Variants in CLCA1 observed in about 807,000 individuals in gnomAD.
CLCA1 encodes the protein chloride channel accessory 1.
In CLCA1, 59 loss-of-function variants were observed where a neutral mutation model predicts 85.6. The ratio of observed to expected loss-of-function variants is 0.69; its 90% CI spans 0.56 to 0.86. CLCA1 has a LOEUF of 0.86. Among genes scored for constraint, CLCA1 ranks in the 40% least tolerant of loss-of-function variants. The pLI is 0.00. For synonymous variants in CLCA1, 396 were observed against 398.3 expected, an observed-to-expected ratio of 0.99 and a Z score of 0.07; for missense variants, 1,022 against 1,101.4, an observed-to-expected ratio of 0.93 and a Z score of 1.02.
Position 86,485,548 on chromosome 1 carries a change from C to A in CLCA1, c.941C>A (p.Ser314Tyr). ...QRIVCLVLDK[S>Y]GSMATGNRLN... ...ATTGTGTGTTTAGTCCTTGACAAATCTGGAAGCATGGCGGTATGTTCAATG... is the reference window on the plus strand; with the variant it reads ...ATTGTGTGTTTAGTCCTTGACAAATATGGAAGCATGGCGGTATGTTCAATG... The change falls in exon 6 of 14, where the codon TCT becomes TAT. Residue 314 changes from serine (S) to tyrosine (Y), a missense_variant. Physicochemically the swap from Ser to Tyr is moderately radical, Grantham distance 144. Transcript: ENST00000394711. 6.2e-7 allele frequency: 1 copy of A among 1,614,066 alleles called. No homozygotes were observed. The highest frequency in any genetic ancestry group is 8.5e-7 in the Non-Finnish European group (1 of 1,179,948).
chr1:86,489,320 A>C (rs1471124382), intron 8 of CLCA1, 150 bp downstream of exon 8: 2 of 724,556 alleles, frequency 2.8e-6, no homozygotes, highest in East Asian at 5.5e-5. Flanking sequence ...ATGACTGTTT[A>C]AGTGGACTCT....
rs866226966 is a variant in CLCA1, at chr1:86,489,047, G to A, written c.1234G>A (p.Asp412Asn). 1 of 1,614,122 alleles carries A rather than the reference G, an allele frequency of 6.2e-7. No individual in the cohort carries two copies. Among genetic ancestry groups the A allele is most frequent in the Non-Finnish European group, 8.5e-7 (1 of 1,179,996 alleles). ...TGGATCTGAAATTGTGCTGCTGACGGATGGGGAAGACAACACTATAAGTGG... is the reference window on the plus strand; with the variant it reads ...TGGATCTGAAATTGTGCTGCTGACGAATGGGGAAGACAACACTATAAGTGG... ...TDGSEIVLLT[D>N]GEDNTISGCF... The change falls in exon 8 of 14, where the codon GAT (aspartate) becomes AAT (asparagine). Residue 412 changes from aspartate (D) to asparagine (N), a missense_variant. By Grantham distance (23) the Asp-to-Asn change is conservative. Coordinates refer to ENST00000394711, the MANE Select transcript of CLCA1 (RefSeq NM_001285.4).
chr1:86,481,772 C>T (rs1029836931), intron 4 of CLCA1, among the ~76,000 whole-genome samples: 1 of 152,076 alleles, frequency 6.6e-6, no homozygotes, highest in African/African-American at 2.4e-5. Context: ...ATTTAAAATA[C>T]CTATGAACAT....
In CLCA1 at chr1:86,491,385, A is replaced by G. The variant is rs762055565; in HGVS notation, c.1464+14A>G. On this transcript the variant is annotated intron_variant, in intron 9 of 13. Transcript: ENST00000394711. ...CGCTCCATCCAGGTTGGAGTTCTTA[A>G]TCTTTGGTTTTTCATATTTACACAT... 6.4e-7 allele frequency: 1 copy of G among 1,574,648 alleles called. No homozygotes were observed. Among genetic ancestry groups the G allele is most frequent in the South Asian group, 1.1e-5 (1 of 88,614 alleles).
At position 86,499,671 on chromosome 1, in the gene CLCA1, C is replaced by T. The variant is rs753192579; in HGVS notation, c.2371C>T (p.Arg791Ter). ...CTTTTTAGCTCACAAGTATATCATT[C>T]GAATAAGTACAAGTATTCTTGATCT... Reference protein sequence around the residue: ...DHGTAHKYIIRISTSILDLRD... With the variant: ...DHGTAHKYII Residue 791 changes from arginine to a stop codon, truncating the protein, a stop_gained, in exon 14 of 14, where the codon CGA becomes TGA. Coordinates refer to ENST00000394711, the MANE Select transcript of CLCA1 (RefSeq NM_001285.4). LOFTEE classifies it low-confidence loss of function (END_TRUNC). The T allele has an allele frequency of 8.2e-6, 13 of 1,581,868 alleles. No individual in the cohort carries two copies. The highest frequency in any genetic ancestry group is 4.5e-5 in the South Asian group (4 of 89,384).
Position 86,486,691 on chromosome 1 carries a change from A to T in CLCA1, c.1120A>T (p.Arg374Ter). 1 of 1,614,194 alleles carries T rather than the reference A, an allele frequency of 6.2e-7. No homozygotes were observed. The highest frequency in any genetic ancestry group is 8.5e-7 in the Non-Finnish European group (1 of 1,180,036). The change falls in exon 7 of 14, where the codon AGA (arginine) becomes TGA (stop). Residue 374 changes from arginine (R) to a stop codon, truncating the protein, a stop_gained. Coordinates refer to ENST00000394711, the MANE Select transcript of CLCA1 (RefSeq NM_001285.4). LOFTEE classifies it high-confidence loss of function. ...SGSDRDTLAKRLPAAASGGTS... is the reference protein window; with the variant it reads ...SGSDRDTLAK ...CAGTGACAGGGACACACTCGCCAAAAGATTACCTGCAGCAGCTTCAGGAGG... is the reference window on the plus strand; with the variant it reads ...CAGTGACAGGGACACACTCGCCAAATGATTACCTGCAGCAGCTTCAGGAGG...
At chr1:86,482,455 AG>A (rs1448485153) in intron 5 of CLCA1, 73 bp downstream of exon 5, 7 of 1,382,814 alleles carry the variant, frequency 5.1e-6, no homozygotes, top group Non-Finnish European at 7.0e-6. Flanking sequence ...AAGTGCTCCA[AG>A]GGAGAATCAA....
At chr1:86,488,760 A>G (rs1432748429) in intron 7 of CLCA1, among the ~76,000 whole-genome samples, 5 of 152,168 alleles carry the variant, frequency 3.3e-5, no homozygotes, top group African/African-American at 1.2e-4. Context: ...GTTGCCCTGC[A>G]TCCCACACCG....
chr1:86,475,534 A>G (rs1353361298), intron 3 of CLCA1, among the ~76,000 whole-genome samples: 2 of 152,222 alleles, frequency 1.3e-5, no homozygotes, highest in Non-Finnish European at 2.9e-5. Context: ...AGTAAGTAGC[A>G]ATGACTGTTT....
intron 4 of CLCA1, 74 bp downstream of exon 4, chr1:86,476,627 A>T: frequency 1.5e-6 from 1 of 673,808 alleles, no homozygotes; most frequent in Non-Finnish European, 2.6e-6. Flanking sequence ...TGATTACTTT[A>T]AAAAATGTGT....
chr1:86,484,415 G>A (rs978472892), intron 5 of CLCA1, among the ~76,000 whole-genome samples: 1 of 152,176 alleles, frequency 6.6e-6, no homozygotes, highest in Non-Finnish European at 1.5e-5. Context: ...GAACTGACAG[G>A]CTATAGTGGG....
In CLCA1 at chr1:86,499,943, T is replaced by C; in HGVS notation, c.2643T>C (p.Ser881=). ...AGACACCTAGTCCTGATGAAACGTC[T>C]GCTCCTTGTCCTAATATTCATATCA... ...PPETPSPDET[S]APCPNIHINS... The change falls in exon 14 of 14, where the codon TCT becomes TCC. Residue 881 remains serine, a synonymous_variant. Transcript: ENST00000394711. 1 of 1,613,660 alleles carries C rather than the reference T, an allele frequency of 6.2e-7. No individual in the cohort carries two copies. Among genetic ancestry groups the C allele is most frequent in the Non-Finnish European group, 8.5e-7 (1 of 1,179,530 alleles).
In CLCA1 at chr1:86,476,557, T is replaced by G. The variant is rs772111712; in HGVS notation, c.557+4T>G. On this transcript the variant is annotated splice_donor_region_variant and intron_variant, in intron 4 of 13. Transcript: ENST00000394711. ...ATGGAAGAATACAAGCAGTAAGGTA[T>G]GTATATTTTGATTTAACTTGTTCCA... The G allele has an allele frequency of 7.1e-7, 1 of 1,400,152 alleles. No homozygotes were observed. The highest frequency in any genetic ancestry group is 1.0e-6 in the Non-Finnish European group (1 of 992,072). The allele number at this position is 1,400,152 out of a possible 1,614,324, so 86.7% of individuals were successfully genotyped here.
At chr1:86,471,650 C>T (rs938590059) in intron 1 of CLCA1, among the ~76,000 whole-genome samples, 2 of 152,038 alleles carry the variant, frequency 1.3e-5, no homozygotes, top group Admixed American at 1.3e-4. Flanking sequence ...GTGATCTTGG[C>T]TCATTTTTTA....
chr1:86,475,739 A>C (rs1299985886), intron 3 of CLCA1, among the ~76,000 whole-genome samples: 3 of 152,208 alleles, frequency 2.0e-5, no homozygotes, highest in Admixed American at 1.3e-4. Flanking sequence ...GAGTTGAACA[A>C]GAGCATGATA....
intron 8 of CLCA1, 58 bp from the exon 9 acceptor site, chr1:86,491,207 A>G: frequency 5.6e-6 from 7 of 1,261,230 alleles, no homozygotes; most frequent in Non-Finnish European, 6.9e-6. Flanking sequence ...CAACAGCTAA[A>G]ATGTTGCAAA....
chr1:86,470,848 C>A (rs1272635600), intron 1 of CLCA1, among the ~76,000 whole-genome samples: 1 of 152,176 alleles, frequency 6.6e-6, no homozygotes, highest in Non-Finnish European at 1.5e-5. Flanking sequence ...TGATGAGAGA[C>A]TCTCCCCTGG....
chr1:86,488,899 C>A, intron 7 of CLCA1, 97 bp from the exon 8 acceptor site: 2 of 1,033,868 alleles, frequency 1.9e-6, no homozygotes, highest in East Asian at 2.4e-5. Flanking sequence ...TGGTTATTCC[C>A]TCTAGAATTT....
chr1:86,477,755 G>A (rs150433113), intron 4 of CLCA1, among the ~76,000 whole-genome samples: 1 of 152,336 alleles, frequency 6.6e-6, no homozygotes, highest in East Asian at 1.9e-4. Context: ...AATGAATATA[G>A]TATATGAAGA....
Sources: gnomAD v4.1 joint callset for allele counts (sites outside exome capture counted in the v4.1 genomes callset) on GRCh38, gnomAD v4.1.1 for gene constraint, MANE v1.5 for transcripts, NCBI Gene and HGNC (gene_info 2026-07-23, HGNC 2026-07-21) for gene names.